Variants in NEBL observed in about 807,000 individuals in gnomAD.
NEBL encodes the protein nebulette, also known as LIM and SH3 protein 2.
In NEBL, 122 loss-of-function variants were observed where a neutral mutation model predicts 140.2. That is an observed-to-expected ratio of 0.87 (90% CI 0.75 to 1.01). The LOEUF (loss-of-function observed/expected upper bound fraction) is 1.01, where lower values mean the gene tolerates loss of function less well. NEBL is among the 50% of genes least tolerant of loss of function. NEBL has a pLI of 0.00. For missense variants in NEBL, 1,365 were observed against 1,231.3 expected (o/e 1.11, Z -1.62); for synonymous variants, 436 against 398.9 (o/e 1.09, Z -1.11).
chr10:21,268,697 T>C (rs1217620291), intron 1 of NEBL, among the ~76,000 whole-genome samples: 1 of 151,896 alleles, frequency 6.6e-6, no homozygotes, highest in East Asian at 1.9e-4. Flanking sequence ...TTAAATTCTG[T>C]ATTTTTCAAT....
intron 12 of NEBL, among the ~76,000 whole-genome samples, chr10:20,842,390 G>T (rs577213092): frequency 6.6e-6 from 1 of 152,052 alleles, no homozygotes; most frequent in East Asian, 1.9e-4. Flanking sequence ...GCAATGGGGG[G>T]ATCATAGGAA....
chr10:20,972,685 T>C (rs368645671), intron 3 of NEBL, among the ~76,000 whole-genome samples: 46 of 152,078 alleles, frequency 3.0e-4, no homozygotes, highest in African/African-American at 1.1e-3. Context: ...AGGCAGAGGC[T>C]GCAGTGAGCC....
chr10:20,992,251 G>A (rs1387525929), intron 3 of NEBL, among the ~76,000 whole-genome samples: 1 of 152,104 alleles, frequency 6.6e-6, no homozygotes, highest in African/African-American at 2.4e-5. Flanking sequence ...TGACTATCTA[G>A]CATCTTTTGA....
chr10:21,169,058 AAAAAAAAAAATATAT>A (rs1223123078), intron 2 of NEBL, among the ~76,000 whole-genome samples: 1 of 56,804 alleles, frequency 1.8e-5, no homozygotes, highest in African/African-American at 6.2e-5. Context: ...ACAAAAAAAA[AAAAAAAAAAATATAT>A]ATATATATAT....
At chr10:21,103,252 G>A (rs181489880) in intron 2 of NEBL, among the ~76,000 whole-genome samples, 2 of 136,324 alleles carry the variant, frequency 1.5e-5, no homozygotes, top group South Asian at 2.3e-4. Flanking sequence ...TCACTCTGTT[G>A]CCCAGGCTGG....
At chr10:20,842,417 T>C (rs1016043990) in intron 12 of NEBL, among the ~76,000 whole-genome samples, 7 of 152,072 alleles carry the variant, frequency 4.6e-5, no homozygotes, top group Non-Finnish European at 8.8e-5. Flanking sequence ...TATAAAATGA[T>C]ACTTTGAACA....
intron 2 of NEBL, among the ~76,000 whole-genome samples, chr10:21,251,206 G>A (rs753323172): frequency 1.3e-5 from 2 of 152,096 alleles, no homozygotes; most frequent in Non-Finnish European, 2.9e-5. Flanking sequence ...AGCTAGCCAG[G>A]TACACAGTGA....
At chr10:21,104,725 C>T (rs1837631402) in intron 2 of NEBL, among the ~76,000 whole-genome samples, 2 of 152,200 alleles carry the variant, frequency 1.3e-5, no homozygotes. Flanking sequence ...ATTACTTTCT[C>T]CTGCCTTACT....
chr10:21,134,757 G>T (rs761688877), intron 2 of NEBL, among the ~76,000 whole-genome samples: 1 of 152,122 alleles, frequency 6.6e-6, no homozygotes, highest in African/African-American at 2.4e-5. Flanking sequence ...AACCTTCTGG[G>T]ATCAAATCAC....
At chr10:21,164,080 T>G (rs141936641) in intron 2 of NEBL, among the ~76,000 whole-genome samples, 5 of 152,378 alleles carry the variant, frequency 3.3e-5, no homozygotes, top group Non-Finnish European at 5.9e-5. Flanking sequence ...AGGACTTTGC[T>G]GAATTCAAAT....
intron 9 of NEBL, among the ~76,000 whole-genome samples, chr10:20,854,899 T>C (rs1057414448): frequency 6.6e-6 from 1 of 152,050 alleles, no homozygotes; most frequent in Non-Finnish European, 1.5e-5. Flanking sequence ...AAACAAGTTA[T>C]AAATTTTGGC....
chr10:20,890,225 C>T (rs945080528), intron 2 of NEBL, among the ~76,000 whole-genome samples: 3 of 152,062 alleles, frequency 2.0e-5, no homozygotes, highest in African/African-American at 7.2e-5. Context: ...TCCTGTTTAC[C>T]CAGCCAGCCC....
chr10:21,055,610 G>T (rs1196235736), intron 2 of NEBL, among the ~76,000 whole-genome samples: 1 of 152,142 alleles, frequency 6.6e-6, no homozygotes, highest in Non-Finnish European at 1.5e-5. Context: ...CTGTGTCTCG[G>T]TTCTGTCATC....
At chr10:20,809,529 A>G (rs1311201076) in intron 25 of NEBL, among the ~76,000 whole-genome samples, 1 of 152,200 alleles carries the variant, frequency 6.6e-6, no homozygotes, top group South Asian at 2.1e-4. Flanking sequence ...GTGCAATCCA[A>G]ATAACTGTAT....
At chr10:21,218,703 T>C (rs1842030875) in intron 3 of NEBL, among the ~76,000 whole-genome samples, 1 of 152,048 alleles carries the variant, frequency 6.6e-6, no homozygotes, top group Non-Finnish European at 1.5e-5. Context: ...GATATCTACA[T>C]GCACTGGGAG....
Position 20,791,801 on chromosome 10 carries a change from G to T in NEBL, c.2762-4493C>A, listed in dbSNP as rs867733051. On this transcript the variant is annotated intron_variant, in intron 26 of 27. Coordinates refer to ENST00000377122, the MANE Select transcript of NEBL (RefSeq NM_006393.3). Reference sequence around the variant, plus strand: ...AGGAAGAAATGTACCCACAAGAAACGTTGAAGAGTACTCAAAAAGAAGTTC... The same window carrying T: ...AGGAAGAAATGTACCCACAAGAAACTTTGAAGAGTACTCAAAAAGAAGTTC... Among the ~76,000 whole-genome samples the T allele has an allele frequency of 4.8e-4, 73 of 152,278 alleles. No individual in the cohort carries two copies. In the Middle Eastern group the frequency reaches 0.02, roughly 43 times the overall value.
rs878854902 is a variant in NEBL at position 20,897,008 on chromosome 10, C to T, written c.103G>A (p.Glu35Lys). 8 of 1,613,534 alleles carry T rather than the reference C, an allele frequency of 5.0e-6. No homozygotes were observed. The highest frequency in any genetic ancestry group is 1.3e-5 in the African/African-American group (1 of 74,808). Residue 35 changes from glutamate to lysine, a missense_variant, in exon 2 of 28, where the codon GAA becomes AAA. Glu to Lys is a moderately conservative substitution (Grantham distance 56). Coordinates refer to ENST00000377122, the MANE Select transcript of NEBL (RefSeq NM_006393.3). The part of the protein sequence containing the change: ...EDQVFYKPVI[E>K]DLSMELARKC... Reference sequence around the variant, plus strand: ...CTGGCCAATTCCATGCTTAAGTCTTCAATAACAGGCTTATAGAAGACCTAT... The same window carrying T: ...CTGGCCAATTCCATGCTTAAGTCTTTAATAACAGGCTTATAGAAGACCTAT...
At chr10:20,808,335 T>C (rs575685829) in intron 26 of NEBL, among the ~76,000 whole-genome samples, 175 bp downstream of exon 26, 2 of 151,460 alleles carry the variant, frequency 1.3e-5, no homozygotes, top group East Asian at 3.9e-4. Flanking sequence ...TGCAAATTAG[T>C]AGGGTTTTTT....
intron 2 of NEBL, among the ~76,000 whole-genome samples, chr10:21,023,661 C>T (rs1838892713): frequency 6.6e-6 from 1 of 151,830 alleles, no homozygotes; most frequent in African/African-American, 2.4e-5. Context: ...TGCCACTGCA[C>T]TCCAGCCTGG....
Sources: gnomAD v4.1 joint callset for allele counts (sites outside exome capture counted in the v4.1 genomes callset) on GRCh38, gnomAD v4.1.1 for gene constraint, MANE v1.5 for transcripts, NCBI Gene and HGNC (gene_info 2026-07-23, HGNC 2026-07-21) for gene names.